Variants in TSPEAR observed in about 807,000 individuals in gnomAD.
The protein encoded by TSPEAR is thrombospondin-type laminin G domain and EAR repeat-containing protein.
Under a neutral mutation model 71.6 loss-of-function variants are expected in TSPEAR, and 69 were observed. The observed-to-expected ratio is 0.96, with a 90% CI of 0.79 to 1.18. The LOEUF is 1.18. TSPEAR is among the 50% of genes most tolerant of loss of function. The pLI is 0.00. For missense variants in TSPEAR, 971 were observed against 894.9 expected, an observed-to-expected ratio of 1.09 and a Z score of -1.09; for synonymous variants, 402 against 387.2, an observed-to-expected ratio of 1.04 and a Z score of -0.45.
chr21:44,548,953 C>T (rs184366872), intron 2 of TSPEAR, among the ~76,000 whole-genome samples: 7 of 152,374 alleles, frequency 4.6e-5, no homozygotes, highest in African/African-American at 9.6e-5. Flanking sequence ...GTAAGGAAAA[C>T]GAGCGCTTAG....
Position 44,506,440 on chromosome 21 carries a change from C to T in TSPEAR, c.1755-1559G>A, listed in dbSNP as rs782725262. Among the ~76,000 whole-genome samples, 22 of 152,242 alleles carry T rather than the reference C, an allele frequency of 1.4e-4. No individual in the cohort carries two copies. Among genetic ancestry groups the T allele is most frequent in the African/African-American group, 1.9e-4 (8 of 41,464 alleles). Reference sequence around the variant, plus strand: ...TTCAGGCAGCAGAGGGGCCTCATCCCGGTGCTTCCCTGCAGGCAGTTGTGG... The same window carrying T: ...TTCAGGCAGCAGAGGGGCCTCATCCTGGTGCTTCCCTGCAGGCAGTTGTGG... On this transcript the variant is annotated intron_variant, in intron 10 of 11. Transcript: ENST00000323084. The surrounding 1 kb of genome is among the most constrained non-coding windows in gnomAD (Gnocchi z 4.2).
intron 9 of TSPEAR, chr21:44,518,998 G>A (rs587740038): frequency 5.8e-4 from 108 of 186,392 alleles, no homozygotes; most frequent in Non-Finnish European, 8.8e-4. Flanking sequence ...CCACCCTTTC[G>A]TTGCTGCTCG....
At chr21:44,682,053 C>T (rs1182881226) in intron 1 of TSPEAR, 3 of 1,614,062 alleles carry the variant, frequency 1.9e-6, no homozygotes, top group Non-Finnish European at 2.5e-6. Flanking sequence ...GGGGATGTAA[C>T]AGGATGCCTG....
intron 9 of TSPEAR, chr21:44,518,729 G>T: frequency 2.1e-6 from 1 of 469,586 alleles, no homozygotes; most frequent in South Asian, 1.6e-5. Context: ...TCTTCTTTCA[G>T]GATAAAGCCT....
At chr21:44,678,876 T>C (rs1328612284) in intron 1 of TSPEAR, among the ~76,000 whole-genome samples, 3 of 152,188 alleles carry the variant, frequency 2.0e-5, no homozygotes, top group Admixed American at 6.5e-5. Context: ...CCATGAAGGC[T>C]AAAACAACTC....
At chr21:44,679,337 C>A (rs1485771061) in intron 1 of TSPEAR, among the ~76,000 whole-genome samples, 1 of 152,084 alleles carries the variant, frequency 6.6e-6, no homozygotes, top group Non-Finnish European at 1.5e-5. Flanking sequence ...ATAAATATAA[C>A]CAAGGATGTG....
In TSPEAR at chr21:44,539,378, C is replaced by T. The variant is rs199512891; in HGVS notation, c.304-5455G>A. ...GGCCGGGCGGCAGCAGCTGGCCTGG[C>T]AGGAGGAGGCAGGGGCACAGCAGGA... On this transcript the variant is annotated intron_variant, in intron 2 of 11. Coordinates refer to ENST00000323084, the MANE Select transcript of TSPEAR (RefSeq NM_144991.3). 8.1e-4 allele frequency: 1,311 copies of T among 1,612,762 alleles called. 6 individuals carry two copies. The highest frequency in any genetic ancestry group is 3.7e-3 in the African/African-American group (279 of 74,948).
chr21:44,701,735 T>C (rs1975451657), intron 1 of TSPEAR, among the ~76,000 whole-genome samples: 1 of 84,966 alleles, frequency 1.2e-5, no homozygotes, highest in African/African-American at 3.4e-5. Context: ...CTCACTCACC[T>C]GCCACTCCCC....
chr21:44,654,409 G>C, intron 1 of TSPEAR: 1 of 1,614,182 alleles, frequency 6.2e-7, no homozygotes, highest in East Asian at 2.2e-5. Flanking sequence ...CACACAGCAG[G>C]CCACCTGGCA....
chr21:44,515,682 T>G (rs937357761), intron 9 of TSPEAR: 1 of 151,860 alleles, frequency 6.6e-6, no homozygotes, highest in African/African-American at 2.4e-5. Context: ...GGCCTGAAAA[T>G]GTAGAGTGGC....
chr21:44,503,171 G>C (rs1479388012), intron 11 of TSPEAR, among the ~76,000 whole-genome samples: 1 of 142,734 alleles, frequency 7.0e-6, no homozygotes, highest in African/African-American at 2.7e-5. Context: ...GTGAGCCCTT[G>C]GGTGGAAGCC....
chr21:44,559,185 G>A (rs2053597986), intron 2 of TSPEAR, among the ~76,000 whole-genome samples: 1 of 152,212 alleles, frequency 6.6e-6, no homozygotes, highest in Non-Finnish European at 1.5e-5. Flanking sequence ...GGGCCTTGAG[G>A]AAAGGGAGAG....
At chr21:44,620,018 G>T (rs1274813237) in intron 1 of TSPEAR, among the ~76,000 whole-genome samples, 1 of 152,186 alleles carries the variant, frequency 6.6e-6, no homozygotes, top group Non-Finnish European at 1.5e-5. Flanking sequence ...AACTCAGAGG[G>T]ATTCACATAA....
At position 44,671,663 on chromosome 21, in the gene TSPEAR, C is replaced by T. The variant is rs77966554; in HGVS notation, c.82+39770G>A. Among the ~76,000 whole-genome samples, 697 of 152,222 alleles carry T rather than the reference C, an allele frequency of 4.6e-3. 1 individual carries two copies. The highest frequency in any genetic ancestry group is 0.016 in the African/African-American group (662 of 41,532). ...ACCCAGAATCATAGCTAAAGTATTC[C>T]AACCAGCCACCGCCATAGACACATC... On this transcript the variant is annotated intron_variant, in intron 1 of 11. Transcript: ENST00000323084.
intron 11 of TSPEAR, 101 bp from the exon 12 acceptor site, chr21:44,500,037 T>C: frequency 5.5e-6 from 7 of 1,283,380 alleles, no homozygotes; most frequent in Non-Finnish European, 7.3e-6. Flanking sequence ...CAGCTCTGGG[T>C]CACATCTGAG....
At chr21:44,569,048 C>G (rs1014317555) in intron 1 of TSPEAR, among the ~76,000 whole-genome samples, 7 of 152,178 alleles carry the variant, frequency 4.6e-5, no homozygotes, top group African/African-American at 1.7e-4. Flanking sequence ...TGGCAGGGCC[C>G]CAGTGAGCAG....
chr21:44,629,484 T>C (rs1983128089), intron 1 of TSPEAR, among the ~76,000 whole-genome samples: 1 of 152,140 alleles, frequency 6.6e-6, no homozygotes, highest in Admixed American at 6.5e-5. Context: ...ACACCAGTCA[T>C]TGGATTAGGG....
intron 1 of TSPEAR, among the ~76,000 whole-genome samples, chr21:44,696,194 C>G (rs1987324174): frequency 6.6e-6 from 1 of 152,118 alleles, no homozygotes; most frequent in African/African-American, 2.4e-5. Flanking sequence ...ATAGCTAGAC[C>G]CAACCGTCTG....
chr21:44,605,603 C>A (rs587729897), intron 1 of TSPEAR, among the ~76,000 whole-genome samples: 108 of 152,232 alleles, frequency 7.1e-4, no homozygotes, highest in African/African-American at 2.6e-3. Context: ...TAAAAATAAA[C>A]ATATCAACCA....
Sources: allele counts gnomAD v4.1 joint callset (sites outside exome capture counted in the v4.1 genomes callset), GRCh38; gene constraint gnomAD v4.1.1; non-coding constraint Gnocchi (gnomAD v3.1); transcripts MANE v1.5; gene names NCBI Gene and HGNC (gene_info 2026-07-23, HGNC 2026-07-21).